The following PRKCA variants were observed in gnomAD, a reference collection of about 807,000 sequenced individuals.
The protein encoded by PRKCA is protein kinase C alpha.
Under a neutral mutation model 87.0 loss-of-function variants are expected in PRKCA, and 27 were observed. The ratio of observed to expected loss-of-function variants is 0.31; its 90% CI spans 0.23 to 0.43. The LOEUF is 0.43. PRKCA is among the 20% of genes least tolerant of loss of function. PRKCA has a pLI of 1.00. For synonymous variants in PRKCA, 329 were observed against 311.1 expected, an observed-to-expected ratio of 1.06 and a Z score of -0.61; for missense variants, 518 against 852.3, an observed-to-expected ratio of 0.61 and a Z score of 4.88.
chr17:66,482,822 A>G (rs1915843596), intron 2 of PRKCA, among the ~76,000 whole-genome samples: 1 of 152,270 alleles, frequency 6.6e-6, no homozygotes, highest in Admixed American at 6.5e-5. Flanking sequence ...AATCATGAGC[A>G]AATGAGTCTA....
At chr17:66,796,708 C>T (rs1285142000) in intron 16 of PRKCA, 2 of 985,238 alleles carry the variant, frequency 2.0e-6, no homozygotes, top group African/African-American at 1.7e-5. Context: ...AAGTGAAATG[C>T]ACCAGCCCAT....
At chr17:66,522,897 T>C (rs958455886) in intron 3 of PRKCA, among the ~76,000 whole-genome samples, 5 of 152,108 alleles carry the variant, frequency 3.3e-5, no homozygotes, top group African/African-American at 1.2e-4. Context: ...GGGTCTTGAT[T>C]TCTGCTTCTT....
At chr17:66,742,795 C>T (rs1974185510) in intron 13 of PRKCA, 35 bp downstream of exon 13, 3 of 1,607,142 alleles carry the variant, frequency 1.9e-6, no homozygotes, top group Non-Finnish European at 2.5e-6. Flanking sequence ...TCAACCAGGA[C>T]TCCCAAACTG....
chr17:66,797,869 C>T (rs531311492), intron 16 of PRKCA, among the ~76,000 whole-genome samples: 8 of 152,332 alleles, frequency 5.3e-5, no homozygotes, highest in Admixed American at 2.6e-4. Flanking sequence ...AAGCCTCAGT[C>T]GGCAAAAGGC....
At chr17:66,353,845 G>T (rs946995104) in intron 2 of PRKCA, among the ~76,000 whole-genome samples, 1 of 152,130 alleles carries the variant, frequency 6.6e-6, no homozygotes, top group African/African-American at 2.4e-5. Context: ...GCTGCAAACA[G>T]GTATCTTGCT....
chr17:66,672,700 T>C (rs1972223264), intron 5 of PRKCA, among the ~76,000 whole-genome samples: 1 of 152,206 alleles, frequency 6.6e-6, no homozygotes, highest in South Asian at 2.1e-4. Flanking sequence ...ATGATAAACT[T>C]TGTAGATGCC....
intron 13 of PRKCA, among the ~76,000 whole-genome samples, chr17:66,747,460 A>G (rs960999646): frequency 2.0e-5 from 3 of 152,316 alleles, no homozygotes; most frequent in Non-Finnish European, 4.4e-5. Flanking sequence ...CACAAAGGAC[A>G]TCACCCGTGA....
At chr17:66,693,502 G>A (rs1598878602) in intron 8 of PRKCA, among the ~76,000 whole-genome samples, 1 of 152,200 alleles carries the variant, frequency 6.6e-6, no homozygotes, top group East Asian at 1.9e-4. Flanking sequence ...GAACAAAGCA[G>A]GGAGCTTATC....
rs750256530 is a variant in PRKCA, at chr17:66,302,843, G to GA, written c.-9_-8insA. On this transcript the variant is annotated 5_prime_UTR_variant, in exon 1 of 17. Transcript: ENST00000413366. Reference sequence around the variant, plus strand: ...CCCCGGCGGAGGCAAGAGGTGGTTGGGGGGGACCATGGCTGACGTTTTCCC... The same window carrying GA: ...CCCCGGCGGAGGCAAGAGGTGGTTGGAGGGGGACCATGGCTGACGTTTTCCC... 1.9e-6 allele frequency: 3 copies of GA among 1,591,262 alleles called. No homozygotes were observed. In the South Asian group the frequency reaches 3.4e-5, roughly 18 times the overall value.
At chr17:66,681,511 T>C (rs1018280853) in intron 5 of PRKCA, among the ~76,000 whole-genome samples, 8 of 152,114 alleles carry the variant, frequency 5.3e-5, no homozygotes, top group African/African-American at 1.9e-4. Flanking sequence ...ACACTACCAT[T>C]AGTAATAATA....
intron 3 of PRKCA, among the ~76,000 whole-genome samples, chr17:66,606,675 AAG>A (rs1262739061): frequency 1.6e-4 from 24 of 152,340 alleles, no homozygotes; most frequent in Admixed American, 1.1e-3. Context: ...ATTGCTGGGA[AAG>A]AGAGCAATAT....
At chr17:66,313,889 TCA>T (rs1417451495) in intron 2 of PRKCA, among the ~76,000 whole-genome samples, 1 of 152,234 alleles carries the variant, frequency 6.6e-6, no homozygotes, top group African/African-American at 2.4e-5. Flanking sequence ...ATGTTTATCA[TCA>T]CAGATTATAA....
At chr17:66,729,780 C>CTTTTTTTTTTTTTTTT (rs60247180) in intron 8 of PRKCA, among the ~76,000 whole-genome samples, 1 of 105,104 alleles carries the variant, frequency 9.5e-6, no homozygotes, top group Non-Finnish European at 1.8e-5. Flanking sequence ...GCGAGTTATT[C>CTTTTTTTTTTTTTTTT]TTTTTTTTTT....
chr17:66,401,142 C>T (rs1567809968), intron 2 of PRKCA, among the ~76,000 whole-genome samples: 1 of 152,158 alleles, frequency 6.6e-6, no homozygotes, highest in Non-Finnish European at 1.5e-5. Flanking sequence ...TGAGAAGTAG[C>T]CACGTTTTGT....
intron 3 of PRKCA, among the ~76,000 whole-genome samples, chr17:66,569,054 C>A (rs1192407871): frequency 6.6e-6 from 1 of 151,818 alleles, no homozygotes; most frequent in Non-Finnish European, 1.5e-5. Context: ...AGATAGTAGA[C>A]CTAATTGTAA....
At chr17:66,728,576 A>G (rs1330961215) in intron 8 of PRKCA, among the ~76,000 whole-genome samples, 1 of 152,254 alleles carries the variant, frequency 6.6e-6, no homozygotes, top group Non-Finnish European at 1.5e-5. Context: ...GAATGTAAAA[A>G]TGCTTCTGTC....
chr17:66,434,653 C>T (rs1370840716), intron 2 of PRKCA, among the ~76,000 whole-genome samples: 9 of 151,410 alleles, frequency 5.9e-5, no homozygotes, highest in East Asian at 3.9e-4. Context: ...CCTAGGCACA[C>T]GCCTTTTTTC....
chr17:66,445,603 A>G (rs751762677), intron 2 of PRKCA, among the ~76,000 whole-genome samples: 2 of 152,164 alleles, frequency 1.3e-5, no homozygotes, highest in African/African-American at 4.8e-5. Context: ...ACTTGTGGCT[A>G]GGGAACCTGA....
intron 14 of PRKCA, among the ~76,000 whole-genome samples, chr17:66,785,924 G>A (rs1053183733): frequency 2.0e-5 from 3 of 152,184 alleles, no homozygotes. Flanking sequence ...CGCCTCCCAG[G>A]TTCAGGCCAT....
Sources: allele counts gnomAD v4.1 joint callset (sites outside exome capture counted in the v4.1 genomes callset), GRCh38; gene constraint gnomAD v4.1.1; transcripts MANE v1.5; gene names NCBI Gene and HGNC (gene_info 2026-07-23, HGNC 2026-07-21).